ZNF638: variants seen among roughly 807,000 people sequenced by gnomAD.
ZNF638 encodes CTCL tumor antigen se33-1.
Under a neutral mutation model 195.6 loss-of-function variants are expected in ZNF638, and 46 were observed. The ratio of observed to expected loss-of-function variants is 0.24; its 90% confidence interval spans 0.19 to 0.30. ZNF638 has a LOEUF of 0.30. Ranked by LOEUF, ZNF638 falls within the 10% of genes least tolerant of loss-of-function variation. The pLI is 1.00. For missense variants in ZNF638, 2,440 were observed against 2,325.3 expected (o/e 1.05, Z -1.01); for synonymous variants, 845 against 772.0 (o/e 1.09, Z -1.57).
At chr2:71,352,496 A>G (rs948274474) in intron 2 of ZNF638, among the ~76,000 whole-genome samples, 1 of 1,572 alleles carries the variant, frequency 6.4e-4, no homozygotes, top group African/African-American at 1.5e-3. Context: ...TAAAAAAAAT[A>G]AAAAAAAAAA....
chr2:71,356,438 A>G (rs1215905041), intron 3 of ZNF638, among the ~76,000 whole-genome samples: 1 of 152,184 alleles, frequency 6.6e-6, no homozygotes, highest in Non-Finnish European at 1.5e-5. Flanking sequence ...GACTGAGAGT[A>G]ACGTGTTATT....
chr2:71,417,914 T>G (rs1282738939), intron 20 of ZNF638, among the ~76,000 whole-genome samples: 1 of 152,210 alleles, frequency 6.6e-6, no homozygotes, highest in African/African-American at 2.4e-5. Flanking sequence ...TGACAAAATC[T>G]TTCTAGAAGA....
At chr2:71,428,732 A>G (rs1299217677) in intron 25 of ZNF638, 81 bp downstream of exon 25, 2 of 1,241,178 alleles carry the variant, frequency 1.6e-6, no homozygotes, top group South Asian at 1.4e-5. Context: ...ATCTAAGAAG[A>G]AAAGTAGAAA....
At chr2:71,384,727 T>C (rs778789604) in intron 10 of ZNF638, among the ~76,000 whole-genome samples, 23 of 152,068 alleles carry the variant, frequency 1.5e-4, no homozygotes, top group Non-Finnish European at 2.6e-4. Flanking sequence ...TTTTTAGAAA[T>C]AATATGTCCC....
intron 21 of ZNF638, among the ~76,000 whole-genome samples, chr2:71,419,974 C>CCCCCTT (rs1189202093): frequency 1.5e-4 from 4 of 27,022 alleles, no homozygotes; most frequent in Non-Finnish European, 1.7e-4. Context: ...CCCCCCCCGC[C>CCCCCTT]TTTTTTTTTT....
chr2:71,400,227 C>A, intron 14 of ZNF638, 47 bp downstream of exon 14: 1 of 1,414,250 alleles, frequency 7.1e-7, no homozygotes, highest in South Asian at 1.3e-5. Flanking sequence ...TTTTAATTAC[C>A]AATGCCATAC....
intron 20 of ZNF638, among the ~76,000 whole-genome samples, chr2:71,411,468 T>C (rs1004399262): frequency 4.9e-5 from 4 of 81,436 alleles, no homozygotes; most frequent in Non-Finnish European, 8.4e-5. Flanking sequence ...TTATTTTTTA[T>C]TTTTAATTTT....
rs1558820899 is a variant in ZNF638 at position 71,331,863 on chromosome 2, C to T, written c.-215C>T. 1 of 986,328 alleles carries T rather than the reference C, an allele frequency of 1.0e-6. No homozygotes were observed. The highest frequency in any genetic ancestry group is 4.7e-5 in the South Asian group (1 of 21,304). The allele number at this position is 986,328 out of a possible 1,614,324, so 61.1% of individuals were successfully genotyped here. ...GCGCGGATGGGATCCAGCTGTTAGT[C>T]GGGTAGGCATAGGTAGGACCGCTGC... On this transcript the variant is annotated 5_prime_UTR_variant, in exon 1 of 28. Transcript: ENST00000264447.
At chr2:71,410,177 GT>G in intron 20 of ZNF638, among the ~76,000 whole-genome samples, 1 of 152,186 alleles carries the variant, frequency 6.6e-6, no homozygotes, top group Non-Finnish European at 1.5e-5. Flanking sequence ...AAACTAGTTT[GT>G]TTTTCTGTTT....
chr2:71,358,484 G>A (rs1162916039), intron 3 of ZNF638, among the ~76,000 whole-genome samples: 1 of 152,226 alleles, frequency 6.6e-6, no homozygotes, highest in Admixed American at 6.5e-5. Context: ...ATTAGCACCT[G>A]TATGCTGGTA....
At chr2:71,377,506 TAAC>T (rs1442535617) in intron 8 of ZNF638, among the ~76,000 whole-genome samples, 3 of 152,210 alleles carry the variant, frequency 2.0e-5, no homozygotes, top group African/African-American at 4.8e-5. Flanking sequence ...TCTAATGAAT[TAAC>T]AAGGAGATAA....
chr2:71,393,527 A>C, intron 10 of ZNF638: 1 of 717,946 alleles, frequency 1.4e-6, no homozygotes, highest in Non-Finnish European at 2.6e-6. Flanking sequence ...CAGACGACAC[A>C]AGCCCCGGAC....
At chr2:71,404,922 T>A (rs2080076031) in intron 17 of ZNF638, among the ~76,000 whole-genome samples, 1 of 152,206 alleles carries the variant, frequency 6.6e-6, no homozygotes, top group Non-Finnish European at 1.5e-5. Flanking sequence ...ATGCATCACA[T>A]GAGGTAGAAA....
In ZNF638 at chr2:71,422,881, A is replaced by G; in HGVS notation, c.3367A>G (p.Lys1123Glu). Residue 1123 changes from lysine to glutamate, a missense_variant, in exon 22 of 28, where the codon AAA becomes GAA. Around this residue, in one of 5 missense-constraint regions of ZNF638, gnomAD observed 1,883 missense variants for 1,739.1 expected, o/e 1.08. Transcript: ENST00000264447. ...AACAGCAACTGATAGTCCCTCTGTT[A>G]AACCTAATGAGCTTGAAGAAGAAAG... Reference protein sequence around the residue: ...VQTATDSPSVKPNELEEESTP... With the variant: ...VQTATDSPSVEPNELEEESTP... 6.2e-7 allele frequency: 1 copy of G among 1,614,124 alleles called. No individual in the cohort carries two copies.
At position 71,398,335 on chromosome 2, in the gene ZNF638, T is replaced by C. The variant is rs182842776; in HGVS notation, c.2429-366T>C. Among the ~76,000 whole-genome samples the C allele has an allele frequency of 2.9e-3, 438 of 152,280 alleles. 1 individual carries two copies. The highest frequency in any genetic ancestry group is 9.3e-3 in the African/African-American group (386 of 41,566). On this transcript the variant is annotated intron_variant, in intron 11 of 27. Transcript: ENST00000264447. ...AGGCAATTTTATACAGTGTTTTAAATAATTTTGTGCATGAAACAGTTTTTT... is the reference window on the plus strand; with the variant it reads ...AGGCAATTTTATACAGTGTTTTAAACAATTTTGTGCATGAAACAGTTTTTT...
intron 15 of ZNF638, 89 bp downstream of exon 15, chr2:71,400,607 G>T: frequency 9.0e-7 from 1 of 1,108,102 alleles, no homozygotes; most frequent in Non-Finnish European, 1.3e-6. Context: ...AAAAATTCAT[G>T]GTATTTGGCA....
chr2:71,385,761 G>T (rs149174577), intron 10 of ZNF638, among the ~76,000 whole-genome samples: 146 of 151,964 alleles, frequency 9.6e-4, no homozygotes, highest in Middle Eastern at 3.4e-3. Flanking sequence ...GGGTATATGG[G>T]GTCTCTCCTT....
chr2:71,365,871 C>T (rs1418565997), intron 6 of ZNF638, among the ~76,000 whole-genome samples, 165 bp downstream of exon 6: 2 of 152,194 alleles, frequency 1.3e-5, no homozygotes, highest in East Asian at 3.9e-4. Flanking sequence ...AGGCGTGTGC[C>T]ACCATGCCTG....
intron 1 of ZNF638, among the ~76,000 whole-genome samples, chr2:71,332,673 TCA>T (rs2078593878): frequency 6.6e-6 from 1 of 152,214 alleles, no homozygotes; most frequent in Non-Finnish European, 1.5e-5. Flanking sequence ...AATGTATATA[TCA>T]CAGACTGGAA....
Sources: gnomAD v4.1 joint callset for allele counts (sites outside exome capture counted in the v4.1 genomes callset) on GRCh38, gnomAD v4.1.1 for gene constraint, gnomAD v4.1.1 regional missense constraint, MANE v1.5 for transcripts, NCBI Gene and HGNC (gene_info 2026-07-23, HGNC 2026-07-21) for gene names.